The following TMEM169 variants were observed in gnomAD, a reference collection of about 807,000 sequenced individuals.
The protein encoded by TMEM169 is transmembrane protein 169.
TMEM169 carries 18 observed loss-of-function variants against 27.3 expected under a neutral mutation model. The ratio of observed to expected loss-of-function variants is 0.66; its 90% CI spans 0.46 to 0.98. The LOEUF (loss-of-function observed/expected upper bound fraction) is 0.98, where lower values mean the gene tolerates loss of function less well. TMEM169 is among the 50% of genes least tolerant of loss of function. The probability of loss-of-function intolerance (pLI) is 0.00; values close to 1 mark genes in which losing one functional copy is unlikely to be tolerated. For synonymous variants in TMEM169, 136 were observed against 142.1 expected (o/e 0.96, Z 0.30); for missense variants, 320 against 368.6 (o/e 0.87, Z 1.08).
chr2:216,082,969 G>C (rs1695904170), intron 1 of TMEM169: 1 of 152,202 alleles, frequency 6.6e-6, no homozygotes, highest in African/African-American at 2.4e-5. Context: ...AATGGGTCTG[G>C]TTGACAGAGG....
chr2:216,087,158 G>A (rs1304626691), intron 1 of TMEM169, among the ~76,000 whole-genome samples: 2 of 127,346 alleles, frequency 1.6e-5, no homozygotes, highest in East Asian at 5.7e-4. Context: ...GTGTTGAGTA[G>A]TCACGTTGCA....
At position 216,100,122 on chromosome 2, in the gene TMEM169, C is replaced by T; in HGVS notation, c.474C>T (p.Pro158=). ...GCCAGATGGGAGCTGACCGTGGGCC[C>T]CATGTGGTCCTCTGGACGCTGATCT... ...MACQMGADRG[P]HVVLWTLICL... Residue 158 remains proline (P), a synonymous_variant, in exon 3 of 3, where the codon CCC becomes CCT. Coordinates refer to ENST00000437356, the MANE Select transcript of TMEM169 (RefSeq NM_001142311.2). 4 of 1,614,104 alleles carry T rather than the reference C, an allele frequency of 2.5e-6. No homozygotes were observed. Among genetic ancestry groups the T allele is most frequent in the Non-Finnish European group, 3.4e-6 (4 of 1,180,028 alleles).
intron 1 of TMEM169, among the ~76,000 whole-genome samples, chr2:216,093,751 C>T (rs1306954088): frequency 6.6e-6 from 1 of 151,794 alleles, no homozygotes; most frequent in Non-Finnish European, 1.5e-5. Flanking sequence ...GGAGAAAAAG[C>T]CATTCCATTG....
At chr2:216,085,046 T>C (rs1238551452) in intron 1 of TMEM169, among the ~76,000 whole-genome samples, 1 of 152,210 alleles carries the variant, frequency 6.6e-6, no homozygotes, top group African/African-American at 2.4e-5. Flanking sequence ...TGGAGTGCAG[T>C]GGCAGCGATC....
At chr2:216,088,971 C>A (rs116018538) in intron 1 of TMEM169, among the ~76,000 whole-genome samples, 1 of 152,092 alleles carries the variant, frequency 6.6e-6, no homozygotes, top group African/African-American at 2.4e-5. Context: ...TACATTTGGG[C>A]GTTCTTGGCA....
intron 1 of TMEM169, among the ~76,000 whole-genome samples, chr2:216,092,791 C>T (rs1696164409): frequency 6.6e-6 from 1 of 152,142 alleles, no homozygotes; most frequent in African/African-American, 2.4e-5. Context: ...CACAAGCTGC[C>T]TCAGAAAACA....
chr2:216,097,012 C>T (rs1234021642), intron 2 of TMEM169, among the ~76,000 whole-genome samples: 3 of 152,194 alleles, frequency 2.0e-5, no homozygotes, highest in Admixed American at 6.5e-5. Context: ...AATGGATATA[C>T]TTCATGCACC....
intron 1 of TMEM169, among the ~76,000 whole-genome samples, chr2:216,088,589 T>C (rs2105980724): frequency 6.6e-6 from 1 of 152,368 alleles, no homozygotes; most frequent in African/African-American, 2.4e-5. Flanking sequence ...TAGTCCCAGC[T>C]ACTCAGGAGG....
chr2:216,099,895 C>T lies in TMEM169; in HGVS notation c.272-25C>T. The T allele has an allele frequency of 6.3e-7, 1 of 1,589,632 alleles. No homozygotes were observed. The highest frequency in any genetic ancestry group is 8.5e-7 in the Non-Finnish European group (1 of 1,170,006). On this transcript the variant is annotated intron_variant, in intron 2 of 2. Transcript: ENST00000437356. This position sits in a 1 kb window ranked among gnomAD's most constrained non-coding sequence, Gnocchi z 5.0. The stretch of plus-strand genomic sequence containing the variant: ...GCAATGCCCACTCTTCTGATCTTGA[C>T]TCTCACCTCCTTTGTACCCTGCAGA...
intron 2 of TMEM169, among the ~76,000 whole-genome samples, chr2:216,097,927 G>A (rs1212920222): frequency 6.6e-6 from 1 of 152,146 alleles, no homozygotes; most frequent in African/African-American, 2.4e-5. Flanking sequence ...ACCATGAAAA[G>A]TTCTAGGGCA....
At chr2:216,087,816 T>C (rs1220767536) in intron 1 of TMEM169, among the ~76,000 whole-genome samples, 1 of 152,242 alleles carries the variant, frequency 6.6e-6, no homozygotes, top group African/African-American at 2.4e-5. Flanking sequence ...GTTGTTACTA[T>C]TATTCAGTCC....
chr2:216,100,727 C>A lies in TMEM169; in HGVS notation c.*185C>A. Reference sequence around the variant, plus strand: ...GCATGGAGCAGACAAGCAATTGTGCCAAAGCAGTTCACCCAATGGACAAAC... The same window carrying A: ...GCATGGAGCAGACAAGCAATTGTGCAAAAGCAGTTCACCCAATGGACAAAC... On this transcript the variant is annotated 3_prime_UTR_variant, in exon 3 of 3. Transcript: ENST00000437356. 1.3e-6 allele frequency: 1 copy of A among 744,944 alleles called. No individual in the cohort carries two copies. Among genetic ancestry groups the A allele is most frequent in the Non-Finnish European group, 2.1e-6 (1 of 467,664 alleles). The allele number at this position is 744,944 out of a possible 1,614,324, so 46.1% of individuals were successfully genotyped here.
chr2:216,094,507 G>A (rs828923), intron 1 of TMEM169, among the ~76,000 whole-genome samples: 34,845 of 151,984 alleles, frequency 0.23, 4,939 homozygotes, highest in Non-Finnish European at 0.32. Flanking sequence ...GGCCATTAAC[G>A]GGCTGTTAAC....
At chr2:216,087,251 A>G (rs1252132930) in intron 1 of TMEM169, among the ~76,000 whole-genome samples, 5 of 152,214 alleles carry the variant, frequency 3.3e-5, no homozygotes, top group East Asian at 3.8e-4. Flanking sequence ...AGGCCTTCAG[A>G]TATATTTTAG....
At chr2:216,082,024 A>T in intron 1 of TMEM169, 45 bp downstream of exon 1, 8 of 366,722 alleles carry the variant, frequency 2.2e-5, no homozygotes, top group East Asian at 6.2e-5. Context: ...GCCATTGGGG[A>T]GGGTGGAAGG....
intron 1 of TMEM169, among the ~76,000 whole-genome samples, chr2:216,086,586 A>T (rs1277466484): frequency 6.6e-6 from 1 of 152,228 alleles, no homozygotes; most frequent in African/African-American, 2.4e-5. Flanking sequence ...AGTATACAAA[A>T]ATGGGGAAGA....
rs1242122019 is a variant in TMEM169 at position 216,101,453 on chromosome 2, A to C, written c.*911A>C. On this transcript the variant is annotated 3_prime_UTR_variant, in exon 3 of 3. Transcript: ENST00000437356. Reference sequence around the variant, plus strand: ...ACGCTAATTGGCAAGAAAAAGGAAGAATGGTTATTTGGGTTTTGTTTTGTT... The same window carrying C: ...ACGCTAATTGGCAAGAAAAAGGAAGCATGGTTATTTGGGTTTTGTTTTGTT... 6.6e-6 allele frequency: 1 copy of C among 152,246 alleles called. No individual in the cohort carries two copies. Among genetic ancestry groups the C allele is most frequent in the Non-Finnish European group, 1.5e-5 (1 of 68,088 alleles). 9.4% of individuals were successfully genotyped at this position (152,246 alleles called of 1,614,324 possible).
At chr2:216,090,881 C>A (rs528752753) in intron 1 of TMEM169, among the ~76,000 whole-genome samples, 1 of 152,310 alleles carries the variant, frequency 6.6e-6, no homozygotes, top group South Asian at 2.1e-4. Flanking sequence ...TAAAAAGGAT[C>A]CCCAAATTTA....
At position 216,100,668 on chromosome 2, in the gene TMEM169, T is replaced by C. The variant is rs2105990490; in HGVS notation, c.*126T>C. Reference sequence around the variant, plus strand: ...TCTTCTGGGAAATCAGAGTCCATACTGATCAGTTTTACCATCTTGAGGGTT... The same window carrying C: ...TCTTCTGGGAAATCAGAGTCCATACCGATCAGTTTTACCATCTTGAGGGTT... On this transcript the variant is annotated 3_prime_UTR_variant, in exon 3 of 3. Transcript: ENST00000437356. 2 of 1,335,854 alleles carry C rather than the reference T, an allele frequency of 1.5e-6. No homozygotes were observed. The highest frequency in any genetic ancestry group is 2.4e-5 in the East Asian group (1 of 40,976). 82.8% of individuals were successfully genotyped at this position (1,335,854 alleles called of 1,614,324 possible). A position where few individuals can be genotyped will look rare whatever the true frequency, so the allele number is the denominator to read the frequency against.
Sources: gnomAD v4.1 joint callset for allele counts (sites outside exome capture counted in the v4.1 genomes callset) on GRCh38, gnomAD v4.1.1 for gene constraint, Gnocchi (gnomAD v3.1) non-coding constraint, MANE v1.5 for transcripts, NCBI Gene and HGNC (gene_info 2026-07-23, HGNC 2026-07-21) for gene names.